Variants in CYP7B1 observed in about 807,000 individuals in gnomAD.
CYP7B1 encodes the protein cytochrome P450 family 7 subfamily B member 1, also known as cytochrome P450 7B1.
Under a neutral mutation model 42.7 loss-of-function variants are expected in CYP7B1, and 29 were observed. The ratio of observed to expected loss-of-function variants is 0.68; its 90% confidence interval spans 0.51 to 0.93. The LOEUF (loss-of-function observed/expected upper bound fraction) is 0.93. Ranked by LOEUF, CYP7B1 falls within the 40% of genes least tolerant of loss-of-function variation. The pLI is 0.00. For synonymous variants in CYP7B1, 235 were observed against 218.2 expected, an observed-to-expected ratio of 1.08 and a Z score of -0.68; for missense variants, 655 against 600.5, an observed-to-expected ratio of 1.09 and a Z score of -0.95.
intron 1 of CYP7B1, among the ~76,000 whole-genome samples, chr8:64,651,243 A>G (rs1563377556): frequency 1.3e-5 from 2 of 152,088 alleles, no homozygotes. Context: ...CAGAATATTA[A>G]GAGACCCACT....
chr8:64,636,135 C>A (rs1355519650), intron 1 of CYP7B1, among the ~76,000 whole-genome samples: 1 of 152,204 alleles, frequency 6.6e-6, no homozygotes, highest in Non-Finnish European at 1.5e-5. Context: ...TCTCTATTAA[C>A]TTAACCCTGG....
chr8:64,613,027 T>C (rs1805385082), intron 4 of CYP7B1, among the ~76,000 whole-genome samples: 1 of 152,108 alleles, frequency 6.6e-6, no homozygotes, highest in Non-Finnish European at 1.5e-5. Context: ...AAGAAAAAAA[T>C]ACACACTATT....
intron 1 of CYP7B1, among the ~76,000 whole-genome samples, chr8:64,746,526 G>T (rs1807645463): frequency 6.6e-6 from 1 of 152,160 alleles, no homozygotes; most frequent in Non-Finnish European, 1.5e-5. Flanking sequence ...GTATTTTGGT[G>T]ATTTAAAAGA....
intron 1 of CYP7B1, among the ~76,000 whole-genome samples, chr8:64,728,402 A>G (rs939157135): frequency 6.6e-6 from 1 of 152,220 alleles, no homozygotes; most frequent in East Asian, 1.9e-4. Context: ...CACTAAAGCC[A>G]CTTGGTCACA....
intron 1 of CYP7B1, among the ~76,000 whole-genome samples, chr8:64,783,394 A>C (rs976274142): frequency 2.6e-4 from 39 of 152,174 alleles, no homozygotes; most frequent in African/African-American, 9.2e-4. Context: ...CTCAGAACTC[A>C]AAAAAATCAT....
At chr8:64,643,870 C>A (rs1303651194) in intron 1 of CYP7B1, among the ~76,000 whole-genome samples, 1 of 152,150 alleles carries the variant, frequency 6.6e-6, no homozygotes, top group East Asian at 1.9e-4. Context: ...CATGAGATTG[C>A]AGCAATTAGG....
At chr8:64,590,599 A>T (rs1805021361), downstream of CYP7B1, among the ~76,000 whole-genome samples, 2 of 152,164 alleles carry the variant, frequency 1.3e-5, no homozygotes, top group African/African-American at 4.8e-5. Context: ...TTTAAAACTT[A>T]GTGATTTTTT....
At chr8:64,768,657 C>G (rs1313209891) in intron 1 of CYP7B1, among the ~76,000 whole-genome samples, 1 of 152,194 alleles carries the variant, frequency 6.6e-6, no homozygotes, top group Non-Finnish European at 1.5e-5. Context: ...TCATGTCAAA[C>G]TATGAGATAA....
chr8:64,682,857 T>C (rs1437966839), intron 1 of CYP7B1, among the ~76,000 whole-genome samples: 1 of 152,180 alleles, frequency 6.6e-6, no homozygotes, highest in African/African-American at 2.4e-5. Flanking sequence ...ATTAACATCT[T>C]AAACTTCACC....
chr8:64,765,015 T>C (rs1005571319), intron 1 of CYP7B1, among the ~76,000 whole-genome samples: 5 of 150,660 alleles, frequency 3.3e-5, no homozygotes, highest in Admixed American at 1.3e-4. Flanking sequence ...CAGTAATTGA[T>C]AGGGAAACTC....
intron 1 of CYP7B1, among the ~76,000 whole-genome samples, chr8:64,778,184 T>C (rs1429468289): frequency 6.8e-6 from 1 of 146,370 alleles, no homozygotes; most frequent in African/African-American, 2.5e-5. Flanking sequence ...AATATATATA[T>C]ATATATATAT....
rs953899391 is a variant in CYP7B1 at position 64,596,778 on chromosome 8, A to T, written c.1385T>A (p.Leu462Ter). Residue 462 changes from leucine (L) to a stop codon, truncating the protein, a stop_gained, in exon 6 of 6, where the codon TTG becomes TAG. Coordinates refer to ENST00000310193, the MANE Select transcript of CYP7B1 (RefSeq NM_004820.5). LOFTEE classifies it low-confidence loss of function (END_TRUNC). ...RFFALMEIKQ[L>*]LVILLTYFDL... Reference sequence around the variant, plus strand: ...AAAATAAGTTAAAAGTATAACCAACAATTGTTTTATTTCCATAAGTGCAAA... The same window carrying T: ...AAAATAAGTTAAAAGTATAACCAACTATTGTTTTATTTCCATAAGTGCAAA... 6.2e-7 allele frequency: 1 copy of T among 1,613,928 alleles called. No individual in the cohort carries two copies. The highest frequency in any genetic ancestry group is 1.3e-5 in the African/African-American group (1 of 74,908).
intron 1 of CYP7B1, 58 bp from the exon 2 acceptor site, chr8:64,624,597 G>T: frequency 6.3e-7 from 1 of 1,590,118 alleles, no homozygotes; most frequent in Non-Finnish European, 8.6e-7. Context: ...ATTCTTATTC[G>T]AATACAGGTG....
At chr8:64,716,732 T>C (rs1037481973) in intron 1 of CYP7B1, among the ~76,000 whole-genome samples, 2 of 152,204 alleles carry the variant, frequency 1.3e-5, no homozygotes, top group African/African-American at 4.8e-5. Context: ...TAAAATACTC[T>C]GTAATACTCC....
intron 1 of CYP7B1, among the ~76,000 whole-genome samples, chr8:64,716,077 A>G (rs1417536748): frequency 6.6e-6 from 1 of 152,252 alleles, no homozygotes; most frequent in East Asian, 1.9e-4. Context: ...ATGTTCTAAC[A>G]TAAGCATTTA....
intron 1 of CYP7B1, among the ~76,000 whole-genome samples, chr8:64,778,696 G>T (rs2129666713): frequency 6.6e-6 from 1 of 152,080 alleles, no homozygotes; most frequent in South Asian, 2.1e-4. Flanking sequence ...TTTTACTTTT[G>T]AAAACAAATC....
At chr8:64,590,234 G>A (rs1563534039), downstream of CYP7B1, among the ~76,000 whole-genome samples, 1 of 152,182 alleles carries the variant, frequency 6.6e-6, no homozygotes, top group Admixed American at 6.5e-5. Context: ...TTCTCACGGA[G>A]TCTCAGGCCA....
At chr8:64,666,577 C>A (rs1267533773) in intron 1 of CYP7B1, among the ~76,000 whole-genome samples, 1 of 152,064 alleles carries the variant, frequency 6.6e-6, no homozygotes, top group Admixed American at 6.6e-5. Flanking sequence ...GTGTGTCTGA[C>A]CCCTGGGGCA....
Position 64,798,675 on chromosome 8 carries a change from CG to C in CYP7B1, c.-89del. On this transcript the variant is annotated 5_prime_UTR_variant, in exon 1 of 6. Coordinates refer to ENST00000310193, the MANE Select transcript of CYP7B1 (RefSeq NM_004820.5). ...CTCTGCAGCCTGCGGCGGCTTCTCT[CG>C]GCGGCGCCCCCTAGTCCAGGGCCGG... 7.3e-7 allele frequency: 1 copy of C among 1,376,550 alleles called. No individual in the cohort carries two copies. The highest frequency in any genetic ancestry group is 9.4e-7 in the Non-Finnish European group (1 of 1,062,524). 85.3% of individuals were successfully genotyped at this position (1,376,550 alleles called of 1,614,324 possible). A position where few individuals can be genotyped will look rare whatever the true frequency, so the allele number is the denominator to read the frequency against.
Sources: allele counts gnomAD v4.1 joint callset (sites outside exome capture counted in the v4.1 genomes callset), GRCh38; gene constraint gnomAD v4.1.1; transcripts MANE v1.5; gene names NCBI Gene and HGNC (gene_info 2026-07-23, HGNC 2026-07-21).